Variants in CDH13 observed in about 807,000 individuals in gnomAD.
CDH13 encodes cadherin-13.
In CDH13, 24 loss-of-function variants were observed where a neutral mutation model predicts 63.8. That is an observed-to-expected ratio of 0.38 (90% confidence interval 0.27 to 0.53). The LOEUF (loss-of-function observed/expected upper bound fraction) is 0.53, where lower values mean the gene tolerates loss of function less well. Among genes scored for constraint, CDH13 ranks in the 20% least tolerant of loss-of-function variants. The pLI is 0.85. For synonymous variants in CDH13, 503 were observed against 355.3 expected (o/e 1.42, Z -4.67); for missense variants, 1,049 against 903.1 (o/e 1.16, Z -2.07).
intron 10 of CDH13, among the ~76,000 whole-genome samples, chr16:83,745,720 G>A (rs1040843833): frequency 6.6e-6 from 1 of 152,114 alleles, no homozygotes; most frequent in Non-Finnish European, 1.5e-5. Flanking sequence ...CCCCCAAGAT[G>A]ACCTTTAAGT....
intron 11 of CDH13, among the ~76,000 whole-genome samples, chr16:83,770,915 G>A (rs1914716336): frequency 6.6e-6 from 1 of 152,148 alleles, no homozygotes; most frequent in African/African-American, 2.4e-5. Flanking sequence ...TGGGAAGGCA[G>A]CCCAGTAGAT....
At chr16:82,822,331 G>C (rs1476881367) in intron 1 of CDH13, among the ~76,000 whole-genome samples, 1 of 152,152 alleles carries the variant, frequency 6.6e-6, no homozygotes, top group African/African-American at 2.4e-5. Flanking sequence ...GGCTATTTGG[G>C]ATAATGTTCG....
intron 4 of CDH13, among the ~76,000 whole-genome samples, chr16:83,145,529 C>G (rs529765683): frequency 6.6e-6 from 1 of 152,196 alleles, no homozygotes; most frequent in Non-Finnish European, 1.5e-5. Flanking sequence ...CAGCAGACAC[C>G]AAGGACCGTG....
chr16:82,965,708 G>T (rs1467496171), intron 2 of CDH13, among the ~76,000 whole-genome samples: 2 of 152,120 alleles, frequency 1.3e-5, no homozygotes. Context: ...GGCCAGGCTG[G>T]TCTCAAACTA....
chr16:83,205,843 T>G (rs1291283827), intron 4 of CDH13, among the ~76,000 whole-genome samples: 1 of 152,074 alleles, frequency 6.6e-6, no homozygotes, highest in Non-Finnish European at 1.5e-5. Context: ...GACCTTGTGA[T>G]CCACCCGTCT....
At chr16:83,103,378 T>A (rs1018304134) in intron 3 of CDH13, among the ~76,000 whole-genome samples, 4 of 150,328 alleles carry the variant, frequency 2.7e-5, no homozygotes, top group African/African-American at 9.8e-5. Context: ...ACTGAGTAGC[T>A]GGGACTACAG....
intron 12 of CDH13, among the ~76,000 whole-genome samples, chr16:83,781,027 G>A (rs751135805): frequency 4.7e-4 from 71 of 152,130 alleles, no homozygotes; most frequent in Admixed American, 1.1e-3. Flanking sequence ...GACTTGACTT[G>A]GTTTAATGAT....
intron 10 of CDH13, among the ~76,000 whole-genome samples, chr16:83,713,405 G>A (rs1315528787): frequency 6.6e-6 from 1 of 151,958 alleles, no homozygotes; most frequent in Non-Finnish European, 1.5e-5. Flanking sequence ...TTTGTAATGA[G>A]CATTGCATTC....
chr16:82,672,573 C>G (rs76485591), intron 1 of CDH13, among the ~76,000 whole-genome samples: 1 of 152,052 alleles, frequency 6.6e-6, no homozygotes, highest in Non-Finnish European at 1.5e-5. Context: ...TCCTTTCGCA[C>G]CATATCATCC....
chr16:82,720,624 A>G (rs1028913120), intron 1 of CDH13, among the ~76,000 whole-genome samples: 2 of 151,990 alleles, frequency 1.3e-5, no homozygotes, highest in Non-Finnish European at 2.9e-5. Flanking sequence ...CCACACAAAC[A>G]TGGGGAGAAT....
chr16:82,883,668 T>A (rs1242029373), intron 2 of CDH13, among the ~76,000 whole-genome samples: 2 of 152,196 alleles, frequency 1.3e-5, no homozygotes, highest in East Asian at 3.9e-4. Context: ...TAAATTTGCA[T>A]CTTGCTCACA....
At chr16:83,467,729 A>G (rs540447935) in intron 6 of CDH13, among the ~76,000 whole-genome samples, 1 of 152,210 alleles carries the variant, frequency 6.6e-6, no homozygotes, top group East Asian at 1.9e-4. Context: ...CCAAGCAGAG[A>G]TGCTGAGTCC....
At chr16:83,417,720 G>A (rs1427554740) in intron 6 of CDH13, among the ~76,000 whole-genome samples, 1 of 152,194 alleles carries the variant, frequency 6.6e-6, no homozygotes, top group Non-Finnish European at 1.5e-5. Context: ...CAGACAGGCT[G>A]TAGAGATAGA....
Position 83,529,619 on chromosome 16 carries a change from T to A in CDH13, c.960+42964T>A, listed in dbSNP as rs139368921. Among the ~76,000 whole-genome samples the A allele has an allele frequency of 5.3e-4, 81 of 152,320 alleles. 1 individual carries two copies. In the Middle Eastern group the frequency reaches 0.01, roughly 19 times the overall value. ...ATTCCCTGTGTGTGTTTTTATAGGA[T>A]TCTGTAAGGATAGTAAAAGACATGG... is the stretch of plus-strand genomic sequence containing the variant. On this transcript the variant is annotated intron_variant, in intron 7 of 13. Transcript: ENST00000567109.
intron 2 of CDH13, among the ~76,000 whole-genome samples, chr16:82,987,971 T>C (rs1381186718): frequency 6.6e-6 from 1 of 152,218 alleles, no homozygotes; most frequent in Non-Finnish European, 1.5e-5. Context: ...TCTCATTGTT[T>C]GCTACACTAG....
intron 2 of CDH13, among the ~76,000 whole-genome samples, chr16:82,923,484 C>T (rs1405040532): frequency 6.6e-6 from 1 of 152,188 alleles, no homozygotes; most frequent in Non-Finnish European, 1.5e-5. Flanking sequence ...TAAAAGTTTT[C>T]AGGCAAAGGC....
At chr16:83,437,670 C>T (rs2072349384) in intron 6 of CDH13, among the ~76,000 whole-genome samples, 2 of 151,950 alleles carry the variant, frequency 1.3e-5, no homozygotes, top group African/African-American at 4.8e-5. Context: ...GAGCAAGATC[C>T]TGTTCCAAAA....
Position 83,233,402 on chromosome 16 carries a change from G to C in CDH13, c.636+15905G>C, listed in dbSNP as rs368999481. ...GTCCTTGTGCTGACTCAACGAGTAG[G>C]TGGCTGTATTAGTTTTCTATTTCTG... is the stretch of plus-strand genomic sequence containing the variant. On this transcript the variant is annotated intron_variant, in intron 5 of 13. Coordinates refer to ENST00000567109, the MANE Select transcript of CDH13 (RefSeq NM_001257.5). Among the ~76,000 whole-genome samples the C allele has an allele frequency of 7.2e-5, 11 of 152,322 alleles. No homozygotes were observed. The East Asian group carries it at 2.1e-3, about 29-fold the overall frequency.
At chr16:83,099,016 A>G (rs926824765) in intron 3 of CDH13, among the ~76,000 whole-genome samples, 12 of 152,158 alleles carry the variant, frequency 7.9e-5, no homozygotes, top group African/African-American at 2.9e-4. Flanking sequence ...GAAGATTGCT[A>G]TATATACCTA....
Sources: allele counts gnomAD v4.1 joint callset (sites outside exome capture counted in the v4.1 genomes callset), GRCh38; gene constraint gnomAD v4.1.1; transcripts MANE v1.5; gene names NCBI Gene and HGNC (gene_info 2026-07-23, HGNC 2026-07-21).